The following ANKHD1 variants were observed in gnomAD, a reference collection of about 807,000 sequenced individuals.
ANKHD1 encodes the protein ankyrin repeat and KH domain-containing protein 1.
Under a neutral mutation model 230.5 loss-of-function variants are expected in ANKHD1, and 31 were observed. The observed-to-expected ratio is 0.13, with a 90% CI of 0.10 to 0.18. The LOEUF is 0.18. Among genes scored for constraint, ANKHD1 ranks in the 10% least tolerant of loss-of-function variants. The probability of loss-of-function intolerance (pLI) is 1.00; values close to 1 mark genes in which losing one functional copy is unlikely to be tolerated. For synonymous variants in ANKHD1, 1,074 were observed against 1,117.6 expected (o/e 0.96, Z 0.78); for missense variants, 2,256 against 3,071.3 (o/e 0.73, Z 6.27).
intron 10 of ANKHD1, chr5:140,472,418 A>G: frequency 7.0e-7 from 1 of 1,420,664 alleles, no homozygotes. Flanking sequence ...GACAAAGGAA[A>G]TCCTCTTCAA....
At chr5:140,451,188 C>A (rs182133249) in intron 7 of ANKHD1, among the ~76,000 whole-genome samples, 8 of 151,570 alleles carry the variant, frequency 5.3e-5, no homozygotes, top group Non-Finnish European at 7.4e-5. Flanking sequence ...CAAAAAACTT[C>A]AAAAATTCAA....
intron 14 of ANKHD1, among the ~76,000 whole-genome samples, chr5:140,490,979 C>T (rs959750248): frequency 6.6e-6 from 1 of 150,534 alleles, no homozygotes; most frequent in Non-Finnish European, 1.5e-5. Context: ...TCTTTCCATT[C>T]CCCTGCTTCC....
chr5:140,410,801 T>A (rs553420854), intron 1 of ANKHD1, among the ~76,000 whole-genome samples: 2 of 152,308 alleles, frequency 1.3e-5, no homozygotes, highest in Admixed American at 6.5e-5. Flanking sequence ...CTAGATACTT[T>A]CGTTATTTTA....
At chr5:140,457,043 G>A (rs1302744622) in intron 7 of ANKHD1, among the ~76,000 whole-genome samples, 1 of 152,140 alleles carries the variant, frequency 6.6e-6, no homozygotes, top group Admixed American at 6.6e-5. Flanking sequence ...AGTGGACAAA[G>A]GATATGAACA....
At chr5:140,406,025 A>G (rs1183830504) in intron 1 of ANKHD1, among the ~76,000 whole-genome samples, 2 of 151,850 alleles carry the variant, frequency 1.3e-5, no homozygotes, top group Admixed American at 1.3e-4. Flanking sequence ...GGATCAGCTG[A>G]GGTCAGGAGT....
intron 6 of ANKHD1, among the ~76,000 whole-genome samples, chr5:140,446,952 C>T (rs999556616): frequency 6.6e-6 from 1 of 151,866 alleles, no homozygotes; most frequent in Admixed American, 6.6e-5. Flanking sequence ...TCTTGTTGCC[C>T]AGGCTGGAGT....
intron 1 of ANKHD1, among the ~76,000 whole-genome samples, chr5:140,409,416 G>C (rs886430205): frequency 6.6e-6 from 1 of 152,112 alleles, no homozygotes; most frequent in Admixed American, 6.6e-5. Flanking sequence ...GTTCAAAGTA[G>C]AAATGCTTTA....
chr5:140,518,069 G>T (rs1360770542), intron 24 of ANKHD1, among the ~76,000 whole-genome samples: 1 of 151,958 alleles, frequency 6.6e-6, no homozygotes, highest in Non-Finnish European at 1.5e-5. Flanking sequence ...AAAAAAAGAA[G>T]AATCAAATAG....
intron 10 of ANKHD1, among the ~76,000 whole-genome samples, chr5:140,482,087 A>G (rs1330912955): frequency 6.6e-6 from 1 of 152,100 alleles, no homozygotes; most frequent in African/African-American, 2.4e-5. Flanking sequence ...CTTAAAAAAA[A>G]ACTACCCATT....
At chr5:140,491,181 T>TTTTTTTA (rs34654683) in intron 14 of ANKHD1, among the ~76,000 whole-genome samples, 1 of 132,004 alleles carries the variant, frequency 7.6e-6, no homozygotes, top group Non-Finnish European at 1.6e-5. Context: ...TTTTTTTTTT[T>TTTTTTTA]GAGACAGGGT....
chr5:140,476,614 G>GA (rs1750980787), intron 10 of ANKHD1, among the ~76,000 whole-genome samples: 1 of 151,774 alleles, frequency 6.6e-6, no homozygotes, highest in African/African-American at 2.4e-5. Context: ...TCTAGAGAAG[G>GA]AAAAAATAAA....
At chr5:140,429,452 C>T (rs1772848191) in intron 1 of ANKHD1, among the ~76,000 whole-genome samples, 1 of 152,092 alleles carries the variant, frequency 6.6e-6, no homozygotes, top group Non-Finnish European at 1.5e-5. Context: ...ATATTTGACT[C>T]TCTAACTCAA....
intron 1 of ANKHD1, 27 bp downstream of exon 1, chr5:140,402,300 A>C (rs1187498009): frequency 2.8e-6 from 4 of 1,447,068 alleles, no homozygotes; most frequent in Non-Finnish European, 3.6e-6. Flanking sequence ...CTCGCCTCCC[A>C]CACATTGTGA....
chr5:140,452,082 G>C (rs6889444), intron 7 of ANKHD1, among the ~76,000 whole-genome samples: 3,192 of 152,220 alleles, frequency 0.021, 116 homozygotes, highest in African/African-American at 0.073. Flanking sequence ...TATCCCGCGC[G>C]TGGCTCAAAG....
At chr5:140,404,844 G>A (rs143810990) in intron 1 of ANKHD1, among the ~76,000 whole-genome samples, 46 of 151,686 alleles carry the variant, frequency 3.0e-4, no homozygotes, top group African/African-American at 1.0e-3. Context: ...ATAGGCACAC[G>A]CTACTGTGCC....
intron 7 of ANKHD1, among the ~76,000 whole-genome samples, chr5:140,450,456 A>G (rs1774638009): frequency 6.6e-6 from 1 of 151,738 alleles, no homozygotes; most frequent in East Asian, 1.9e-4. Context: ...CAGCTTCCCA[A>G]GCCTCCCACC....
Position 140,402,348 on chromosome 5 carries a change from C to G in ANKHD1, c.306+75C>G, listed in dbSNP as rs954097496. ...CTTTGGGTAGGCTCTGGGCCGGGGC[C>G]ATCCTCCCGCTTCCCTGGTGGAGCC... On this transcript the variant is annotated intron_variant, in intron 1 of 33. Coordinates refer to ENST00000360839, the MANE Select transcript of ANKHD1 (RefSeq NM_017747.3). The G allele has an allele frequency of 5.1e-6, 7 of 1,378,284 alleles. No homozygotes were observed. The African/African-American group carries it at 9.2e-5, about 18-fold the overall frequency. The allele number at this position is 1,378,284 out of a possible 1,614,324, so 85.4% of individuals were successfully genotyped here. A position where few individuals can be genotyped will look rare whatever the true frequency, so the allele number is the denominator to read the frequency against.
intron 10 of ANKHD1, among the ~76,000 whole-genome samples, chr5:140,474,831 A>G (rs762014361): frequency 2.6e-5 from 4 of 151,678 alleles, no homozygotes; most frequent in Non-Finnish European, 5.9e-5. Flanking sequence ...TTTTTTATAG[A>G]TATATTTTTA....
At chr5:140,406,539 A>G (rs1442185174) in intron 1 of ANKHD1, among the ~76,000 whole-genome samples, 1 of 151,950 alleles carries the variant, frequency 6.6e-6, no homozygotes, top group African/African-American at 2.4e-5. Flanking sequence ...GGTTAGAGGA[A>G]TGGACTCACA....
Sources: allele counts gnomAD v4.1 joint callset (sites outside exome capture counted in the v4.1 genomes callset), GRCh38; gene constraint gnomAD v4.1.1; transcripts MANE v1.5; gene names NCBI Gene and HGNC (gene_info 2026-07-23, HGNC 2026-07-21).